Variants in RBFOX1 observed in about 807,000 individuals in gnomAD.
RBFOX1 encodes RNA binding fox-1 homolog 1.
In RBFOX1, 8 loss-of-function variants were observed where a neutral mutation model predicts 57.7. That is an observed-to-expected ratio of 0.14 (90% CI 0.08 to 0.25). The LOEUF is 0.25. RBFOX1 is among the 10% of genes least tolerant of loss of function. The probability of loss-of-function intolerance (pLI) is 1.00; values close to 1 mark genes in which losing one functional copy is unlikely to be tolerated. For synonymous variants in RBFOX1, 326 were observed against 222.4 expected (o/e 1.47, Z -4.15); for missense variants, 611 against 548.5 (o/e 1.11, Z -1.14).
At chr16:7,470,536 A>C (rs891638430) in intron 4 of RBFOX1, among the ~76,000 whole-genome samples, 2 of 151,152 alleles carry the variant, frequency 1.3e-5, no homozygotes, top group African/African-American at 2.4e-5. Context: ...TGGGTAGATG[A>C]GTGGGTGGAT....
intron 1 of RBFOX1, among the ~76,000 whole-genome samples, chr16:5,254,260 C>T (rs1281081477): frequency 1.3e-5 from 2 of 152,196 alleles, no homozygotes; most frequent in African/African-American, 4.8e-5. Context: ...ACACTCTTAA[C>T]CACTTCACCA....
intron 3 of RBFOX1, among the ~76,000 whole-genome samples, chr16:5,856,196 T>TAC (rs1369271045): frequency 1.1e-3 from 71 of 64,610 alleles, no homozygotes; most frequent in African/African-American, 3.2e-3. Context: ...TCTATATATA[T>TAC]ATATATATAT....
chr16:5,257,745 G>C (rs530404478), intron 1 of RBFOX1, among the ~76,000 whole-genome samples: 2 of 152,070 alleles, frequency 1.3e-5, no homozygotes, highest in Non-Finnish European at 2.9e-5. Flanking sequence ...CCTCCCCCAC[G>C]CTTCCCTCCC....
intron 3 of RBFOX1, among the ~76,000 whole-genome samples, chr16:6,720,758 GC>G (rs1027125904): frequency 5.3e-5 from 8 of 152,274 alleles, no homozygotes; most frequent in African/African-American, 1.7e-4. Context: ...TTCTGAGTGT[GC>G]CACCTTTTTT....
At chr16:6,428,345 T>G (rs898873675) in intron 2 of RBFOX1, among the ~76,000 whole-genome samples, 1 of 150,928 alleles carries the variant, frequency 6.6e-6, no homozygotes, top group Non-Finnish European at 1.5e-5. Flanking sequence ...ATACATTGAC[T>G]ATTACCATTT....
intron 1 of RBFOX1, among the ~76,000 whole-genome samples, chr16:5,364,216 C>T (rs1443878408): frequency 6.6e-6 from 1 of 152,190 alleles, no homozygotes; most frequent in Non-Finnish European, 1.5e-5. Context: ...CCTAGAAGTT[C>T]CAGCCAAGTG....
chr16:5,706,682 T>C (rs773690855), intron 3 of RBFOX1, among the ~76,000 whole-genome samples: 3 of 152,188 alleles, frequency 2.0e-5, no homozygotes, highest in Non-Finnish European at 2.9e-5. Flanking sequence ...ATTTATGTCT[T>C]TCCTAAAGCA....
At chr16:5,476,397 T>G (rs9929879) in intron 2 of RBFOX1, among the ~76,000 whole-genome samples, 1 of 152,174 alleles carries the variant, frequency 6.6e-6, no homozygotes, top group Non-Finnish European at 1.5e-5. Context: ...AATGCCTTCA[T>G]GTGATTGCAA....
chr16:6,478,429 A>ATATATATATATTTT (rs1159954387), intron 2 of RBFOX1, among the ~76,000 whole-genome samples: 3 of 24,600 alleles, frequency 1.2e-4, no homozygotes, highest in Non-Finnish European at 2.3e-4. Context: ...ATATATATAT[A>ATATATATATATTTT]TTTTTTTTTT....
chr16:5,789,816 G>T (rs1303600531), intron 3 of RBFOX1, among the ~76,000 whole-genome samples: 1 of 152,126 alleles, frequency 6.6e-6, no homozygotes, highest in South Asian at 2.1e-4. Flanking sequence ...TAACCGCCAG[G>T]CCAACCTTCC....
intron 1 of RBFOX1, among the ~76,000 whole-genome samples, chr16:6,132,242 C>T (rs1421477066): frequency 6.6e-6 from 1 of 152,144 alleles, no homozygotes; most frequent in Non-Finnish European, 1.5e-5. Context: ...AGCAAGTATT[C>T]CCTTGGCTCT....
In RBFOX1 at chr16:5,717,292, C is replaced by A. The variant is rs144930242; in HGVS notation, c.318+118331C>A. Among the ~76,000 whole-genome samples the A allele has an allele frequency of 4.3e-3, 655 of 152,226 alleles. 7 individuals carry two copies. Among genetic ancestry groups the A allele is most frequent in the African/African-American group, 0.014 (597 of 41,540 alleles). On this transcript the variant is annotated intron_variant, in intron 3 of 19. Transcript: ENST00000641259. ...TGAATTTATCTTTGCACTTCCACTT[C>A]CACTTTTACTTGATTATCTCAATAA...
intron 1 of RBFOX1, among the ~76,000 whole-genome samples, chr16:6,263,828 A>G (rs2097716548): frequency 6.6e-6 from 1 of 152,208 alleles, no homozygotes; most frequent in Admixed American, 6.5e-5. Context: ...AGATGCTTCC[A>G]TCCCAAAATG....
chr16:6,250,264 G>A (rs148565980), intron 1 of RBFOX1, among the ~76,000 whole-genome samples: 1 of 152,088 alleles, frequency 6.6e-6, no homozygotes, highest in African/African-American at 2.4e-5. Flanking sequence ...CTCAGGCTAG[G>A]TGCTCAGTAT....
At chr16:6,202,919 CA>C (rs2097224682) in intron 1 of RBFOX1, among the ~76,000 whole-genome samples, 1 of 152,038 alleles carries the variant, frequency 6.6e-6, no homozygotes, top group South Asian at 2.1e-4. Context: ...ACTACAGGTG[CA>C]TGCCACCATG....
chr16:7,228,646 T>C (rs2093302236), intron 4 of RBFOX1, among the ~76,000 whole-genome samples: 1 of 152,250 alleles, frequency 6.6e-6, no homozygotes, highest in Admixed American at 6.5e-5. Flanking sequence ...CAGAATCTTC[T>C]TTTCTCTTTG....
chr16:6,304,321 C>T (rs2079186467), intron 1 of RBFOX1, among the ~76,000 whole-genome samples: 1 of 151,944 alleles, frequency 6.6e-6, no homozygotes, highest in South Asian at 2.1e-4. Flanking sequence ...AACAGAAGTT[C>T]CATGCATTCC....
chr16:6,134,721 A>T (rs2096653957), intron 1 of RBFOX1, among the ~76,000 whole-genome samples: 1 of 148,866 alleles, frequency 6.7e-6, no homozygotes, highest in African/African-American at 2.5e-5. Context: ...TCTGTCACCC[A>T]GGCTGGAGTG....
chr16:5,863,905 C>T (rs553706917), intron 3 of RBFOX1, among the ~76,000 whole-genome samples: 1 of 152,152 alleles, frequency 6.6e-6, no homozygotes, highest in South Asian at 2.1e-4. Flanking sequence ...CCAATTTTTT[C>T]GTGAATTTCT....
Sources: gnomAD v4.1 joint callset for allele counts (sites outside exome capture counted in the v4.1 genomes callset) on GRCh38, gnomAD v4.1.1 for gene constraint, MANE v1.5 for transcripts, NCBI Gene and HGNC (gene_info 2026-07-23, HGNC 2026-07-21) for gene names.